Variants in CSMD1 observed in about 807,000 individuals in gnomAD.
CSMD1 encodes CUB and sushi domain-containing protein 1.
A neutral mutation model predicts 417.5 loss-of-function variants in CSMD1; 213 were observed. That is an observed-to-expected ratio of 0.51 (90% CI 0.46 to 0.57). The LOEUF (loss-of-function observed/expected upper bound fraction) is 0.57. CSMD1 is among the 20% of genes least tolerant of loss of function. The probability of loss-of-function intolerance (pLI) is 0.00; values close to 1 mark genes in which losing one functional copy is unlikely to be tolerated. For synonymous variants in CSMD1, 2,862 were observed against 1,736.8 expected (o/e 1.65, Z -16.11); for missense variants, 6,923 against 4,529.7 (o/e 1.53, Z -15.17).
intron 1 of CSMD1, among the ~76,000 whole-genome samples, chr8:4,943,675 G>A (rs1034258007): frequency 3.3e-5 from 5 of 152,104 alleles, no homozygotes; most frequent in Admixed American, 2.6e-4. Flanking sequence ...GAACTTTGCA[G>A]ACTGAATCAC....
At chr8:3,804,482 G>A (rs1045771809) in intron 5 of CSMD1, among the ~76,000 whole-genome samples, 3 of 152,088 alleles carry the variant, frequency 2.0e-5, no homozygotes, top group African/African-American at 7.2e-5. Flanking sequence ...TGGAATAATG[G>A]ATTTGATCAC....
intron 1 of CSMD1, among the ~76,000 whole-genome samples, chr8:4,900,159 A>G (rs1311115470): frequency 1.3e-5 from 2 of 152,108 alleles, no homozygotes; most frequent in African/African-American, 2.4e-5. Context: ...TCTTAAAGAC[A>G]TACCTCACCA....
At chr8:3,574,417 G>A (rs1871887) in intron 10 of CSMD1, among the ~76,000 whole-genome samples, 1 of 151,912 alleles carries the variant, frequency 6.6e-6, no homozygotes, top group African/African-American at 2.4e-5. Flanking sequence ...ATTTTTGTTC[G>A]TATTTTTTAG....
At chr8:3,697,309 T>A (rs1335432146) in intron 7 of CSMD1, among the ~76,000 whole-genome samples, 1 of 152,226 alleles carries the variant, frequency 6.6e-6, no homozygotes, top group African/African-American at 2.4e-5. Flanking sequence ...TTCGGTTTTC[T>A]CCTTACACCT....
intron 3 of CSMD1, among the ~76,000 whole-genome samples, chr8:4,132,860 A>G (rs984117607): frequency 2.6e-5 from 4 of 152,206 alleles, no homozygotes; most frequent in African/African-American, 4.8e-5. Context: ...CAACTAGGAT[A>G]TATGAAATTT....
chr8:3,612,436 A>T (rs539667122), intron 8 of CSMD1, among the ~76,000 whole-genome samples: 196 of 152,242 alleles, frequency 1.3e-3, no homozygotes, highest in African/African-American at 4.6e-3. Flanking sequence ...AGCCTTGAAC[A>T]ACACTGTCAA....
At position 4,123,799 on chromosome 8, in the gene CSMD1, T is replaced by C. The variant is rs575399728; in HGVS notation, c.416-91700A>G. The stretch of plus-strand genomic sequence containing the variant: ...GAAGTCAGAAGAACCCAAAATAAAA[T>C]ATAATAGAGAACTAAGTTCAAGTGA... On this transcript the variant is annotated intron_variant, in intron 3 of 69. Transcript: ENST00000635120. Among the ~76,000 whole-genome samples, 20 of 152,170 alleles carry C rather than the reference T, an allele frequency of 1.3e-4. No homozygotes were observed. In the South Asian group the frequency reaches 3.7e-3, roughly 28 times the overall value.
chr8:3,408,207 A>G lies in CSMD1; in HGVS notation c.1763T>C (p.Phe588Ser). The change falls in exon 14 of 70, where the codon TTT (phenylalanine) becomes TCT (serine). Residue 588 changes from phenylalanine to serine, a missense_variant. Transcript: ENST00000635120. ...PSCVFSCFFNFTASSGIILSP... is the reference protein window; with the variant it reads ...PSCVFSCFFNSTASSGIILSP... ...CAGAATAATCCCAGATGATGCCGTA[A>G]AGTTGAAGAAACATGAAACTGTGAA... 1 of 1,603,858 alleles carries G rather than the reference A, an allele frequency of 6.2e-7. No homozygotes were observed. The highest frequency in any genetic ancestry group is 8.5e-7 in the Non-Finnish European group (1 of 1,173,588).
intron 5 of CSMD1, among the ~76,000 whole-genome samples, chr8:3,851,973 A>G (rs760894965): frequency 6.6e-5 from 10 of 152,140 alleles, no homozygotes; most frequent in Non-Finnish European, 1.5e-4. Flanking sequence ...TAGAGAGAAT[A>G]ATTCATAAAA....
At chr8:3,387,363 A>C (rs1260121197) in intron 18 of CSMD1, 131 bp downstream of exon 18, 4 of 665,984 alleles carry the variant, frequency 6.0e-6, no homozygotes, top group Admixed American at 2.9e-5. Context: ...GATGGTATAC[A>C]ACTTCTCAGA....
intron 27 of CSMD1, among the ~76,000 whole-genome samples, chr8:3,229,363 T>C (rs1005533303): frequency 2.6e-5 from 4 of 152,336 alleles, no homozygotes; most frequent in South Asian, 4.1e-4. Context: ...ATTTTATTAG[T>C]AGAATATTTT....
At chr8:4,595,387 C>CTTTTTTTTTTTTTTTCTTTT in intron 2 of CSMD1, among the ~76,000 whole-genome samples, 15 of 147,414 alleles carry the variant, frequency 1.0e-4, no homozygotes, top group South Asian at 2.2e-4. Flanking sequence ...CATTCATTTT[C>CTTTTTTTTTTTTTTTCTTTT]ATTCCATCCA....
chr8:4,629,730 A>T (rs1469796179), intron 2 of CSMD1, among the ~76,000 whole-genome samples: 1 of 152,194 alleles, frequency 6.6e-6, no homozygotes, highest in Admixed American at 6.5e-5. Context: ...ATTTTGCTAC[A>T]AACAGCAAAG....
intron 3 of CSMD1, among the ~76,000 whole-genome samples, chr8:4,389,665 C>CT (rs1803712275): frequency 6.6e-6 from 1 of 152,118 alleles, no homozygotes; most frequent in South Asian, 2.1e-4. Flanking sequence ...TAAACTCCAC[C>CT]TTTATTTTTA....
intron 39 of CSMD1, among the ~76,000 whole-genome samples, chr8:3,152,573 ACTT>A (rs1191841806): frequency 2.6e-5 from 4 of 152,274 alleles, no homozygotes; most frequent in African/African-American, 9.6e-5. Context: ...AATAGCTAAA[ACTT>A]AAGTCTAGTG....
chr8:3,846,368 T>C (rs1326764935), intron 5 of CSMD1, among the ~76,000 whole-genome samples: 3 of 152,200 alleles, frequency 2.0e-5, no homozygotes, highest in African/African-American at 7.2e-5. Flanking sequence ...AAAATGTCTT[T>C]ATGTGGTGCA....
At chr8:3,196,876 A>T (rs1348207570) in intron 33 of CSMD1, among the ~76,000 whole-genome samples, 1 of 152,164 alleles carries the variant, frequency 6.6e-6, no homozygotes, top group Non-Finnish European at 1.5e-5. Flanking sequence ...TAAAGATAAG[A>T]GAAGCTCCTG....
chr8:4,255,906 G>A (rs932846706), intron 3 of CSMD1, among the ~76,000 whole-genome samples: 5 of 152,180 alleles, frequency 3.3e-5, no homozygotes, highest in East Asian at 3.8e-4. Context: ...TGAGGGCAGA[G>A]GTAGCCTTTG....
At chr8:3,765,348 C>A (rs898421629) in intron 5 of CSMD1, among the ~76,000 whole-genome samples, 2 of 152,168 alleles carry the variant, frequency 1.3e-5, no homozygotes, top group African/African-American at 2.4e-5. Context: ...GACATCCCTT[C>A]CAGAGACCTT....
Sources: allele counts gnomAD v4.1 joint callset (sites outside exome capture counted in the v4.1 genomes callset), GRCh38; gene constraint gnomAD v4.1.1; transcripts MANE v1.5; gene names NCBI Gene and HGNC (gene_info 2026-07-23, HGNC 2026-07-21).